Variants in BRSK2 observed in about 807,000 individuals in gnomAD.
The protein encoded by BRSK2 is serine/threonine-protein kinase BRSK2.
Under a neutral mutation model 83.3 loss-of-function variants are expected in BRSK2, and 19 were observed. The observed-to-expected ratio is 0.23, with a 90% CI of 0.16 to 0.33. The LOEUF (loss-of-function observed/expected upper bound fraction) is 0.33. Ranked by LOEUF, BRSK2 falls within the 10% of genes least tolerant of loss-of-function variation. BRSK2 has a pLI of 1.00. For missense variants in BRSK2, 798 were observed against 1,042.3 expected (o/e 0.77, Z 3.23); for synonymous variants, 519 against 435.4 (o/e 1.19, Z -2.39).
chr11:1,454,430 G>C lies in BRSK2; in HGVS notation c.1545-55G>C. The C allele has an allele frequency of 6.3e-7, 1 of 1,595,386 alleles. No homozygotes were observed. The highest frequency in any genetic ancestry group is 1.3e-5 in the African/African-American group (1 of 74,594). ...CCAACCCCAGATTCGAGGGAGGCAG[G>C]GGTGTGGACGGTGCCACACCTCAAT... On this transcript the variant is annotated intron_variant, in intron 15 of 19. Coordinates refer to ENST00000528841, the MANE Select transcript of BRSK2 (RefSeq NM_001256627.2). This position sits in a 1 kb window ranked among gnomAD's most constrained non-coding sequence, Gnocchi z 5.2.
chr11:1,461,895 G>C lies in BRSK2; in HGVS notation c.*1172G>C, dbSNP rs111493196. ...GCTCTGTCATGGGTTCCGTCTCTCT[G>C]TGGAGAAGCAGCTCCACCTCTGGGG... On this transcript the variant is annotated 3_prime_UTR_variant, in exon 20 of 20. Coordinates refer to ENST00000528841, the MANE Select transcript of BRSK2 (RefSeq NM_001256627.2). 4.1e-5 allele frequency: 5 copies of C among 121,378 alleles called. No homozygotes were observed. Among genetic ancestry groups the C allele is most frequent in the East Asian group, 2.2e-4 (1 of 4,554 alleles). 7.5% of individuals were successfully genotyped at this position (121,378 alleles called of 1,614,324 possible). A position where few individuals can be genotyped will look rare whatever the true frequency, so the allele number is the denominator to read the frequency against.
chr11:1,392,766 C>T (rs1432919896), intron 1 of BRSK2, among the ~76,000 whole-genome samples: 3 of 152,210 alleles, frequency 2.0e-5, no homozygotes, highest in Non-Finnish European at 4.4e-5. Context: ...TCAGCGTGAG[C>T]GCTGCATGGT....
Position 1,443,649 on chromosome 11 carries a change from G to A in BRSK2, c.780+14G>A. ...CGCCGCCTCACGGTGCGTGCCCTCG[G>A]AGCGGGGCGGCCCCAGAGCGTGGCG... On this transcript the variant is annotated intron_variant, in intron 8 of 19. Coordinates refer to ENST00000528841, the MANE Select transcript of BRSK2 (RefSeq NM_001256627.2). The A allele has an allele frequency of 1.3e-6, 2 of 1,574,528 alleles. No homozygotes were observed. Among genetic ancestry groups the A allele is most frequent in the South Asian group, 1.1e-5 (1 of 89,036 alleles).
chr11:1,460,901 C>T lies in BRSK2; in HGVS notation c.*178C>T, dbSNP rs1487874275. 3.1e-6 allele frequency: 5 copies of T among 1,608,998 alleles called. No individual in the cohort carries two copies. Among genetic ancestry groups the T allele is most frequent in the East Asian group, 2.2e-5 (1 of 44,820 alleles). The stretch of plus-strand genomic sequence containing the variant: ...CTGTGGGCTGCGCCACCCGCGCCCG[C>T]TCTCTTTTCTCTCTGTCTCTGCCTC... On this transcript the variant is annotated 3_prime_UTR_variant, in exon 20 of 20. Coordinates refer to ENST00000528841, the MANE Select transcript of BRSK2 (RefSeq NM_001256627.2).
intron 1 of BRSK2, chr11:1,411,377 G>A (rs1847479295): frequency 2.1e-6 from 3 of 1,453,236 alleles, no homozygotes; most frequent in Non-Finnish European, 2.7e-6. Flanking sequence ...TTTGGGGAGG[G>A]AGCCTGGTAG....
chr11:1,460,797 T>C lies in BRSK2; in HGVS notation c.*74T>C. 1 of 1,387,650 alleles carries C rather than the reference T, an allele frequency of 7.2e-7. No individual in the cohort carries two copies. The highest frequency in any genetic ancestry group is 9.3e-7 in the Non-Finnish European group (1 of 1,070,832). 86.0% of individuals were successfully genotyped at this position (1,387,650 alleles called of 1,614,324 possible). ...CGCCCGCCGCCCGCCCTGCCCCGAGTGGACCCGCGGCCGCGCCGCCCGTCC... is the reference window on the plus strand; with the variant it reads ...CGCCCGCCGCCCGCCCTGCCCCGAGCGGACCCGCGGCCGCGCCGCCCGTCC... On this transcript the variant is annotated 3_prime_UTR_variant, in exon 20 of 20. Transcript: ENST00000528841.
chr11:1,390,416 C>G lies in BRSK2; in HGVS notation c.91+41C>G. The G allele has an allele frequency of 1.0e-6, 1 of 988,128 alleles. No homozygotes were observed. Among genetic ancestry groups the G allele is most frequent in the South Asian group, 4.6e-5 (1 of 21,906 alleles). The allele number at this position is 988,128 out of a possible 1,614,324, so 61.2% of individuals were successfully genotyped here. On this transcript the variant is annotated intron_variant, in intron 1 of 19. Transcript: ENST00000528841. This position sits in a 1 kb window ranked among gnomAD's most constrained non-coding sequence, Gnocchi z 6.8. ...GCGGGGACCGGGGCCGGGGAGGCCG[C>G]GCTGGCAGCGCGCTGGGTGGGGGGC...
Position 1,445,028 on chromosome 11 carries a change from C to T in BRSK2, c.812+26C>T, listed in dbSNP as rs368856254. 3.9e-5 allele frequency: 62 copies of T among 1,608,988 alleles called. No homozygotes were observed. The African/African-American group carries it at 5.1e-4, about 13-fold the overall frequency. On this transcript the variant is annotated intron_variant, in intron 9 of 19. Coordinates refer to ENST00000528841, the MANE Select transcript of BRSK2 (RefSeq NM_001256627.2). ...GTAAGTAGCTTTTCCACCCACTAAT[C>T]GCCTGCTTTGCCTGTTGCTGTGGCC... is the stretch of plus-strand genomic sequence containing the variant.
chr11:1,448,032 C>T (rs753329235), intron 12 of BRSK2, among the ~76,000 whole-genome samples: 1 of 152,132 alleles, frequency 6.6e-6, no homozygotes, highest in Non-Finnish European at 1.5e-5. Flanking sequence ...AGGCAGAGGC[C>T]GAGGAGGGGT....
intron 1 of BRSK2, among the ~76,000 whole-genome samples, chr11:1,396,527 T>G (rs925139181): frequency 9.2e-5 from 14 of 152,138 alleles, no homozygotes; most frequent in African/African-American, 3.4e-4. Flanking sequence ...CGAGGGCAGG[T>G]CAGACCCCAG....
At chr11:1,395,335 C>T (rs1458454003) in intron 1 of BRSK2, among the ~76,000 whole-genome samples, 7 of 152,162 alleles carry the variant, frequency 4.6e-5, no homozygotes. Flanking sequence ...TCTCCCTGGC[C>T]CCCTGAAGTC....
chr11:1,394,670 CCCTGGAGATGGGT>C lies in BRSK2; in HGVS notation c.91+4324_91+4336del, dbSNP rs1398684289. ...ATGGAGATGGGTCCTGGAGATGGGC[CCCTGGAGATGGGT>C]CCTGGAGATGGGTCCTGGAGATGGG... On this transcript the variant is annotated intron_variant, in intron 1 of 19. Coordinates refer to ENST00000528841, the MANE Select transcript of BRSK2 (RefSeq NM_001256627.2). Among the ~76,000 whole-genome samples, 98 of 116,132 alleles carry C rather than the reference CCCTGGAGATGGGT, an allele frequency of 8.4e-4. 1 individual carries two copies. The highest frequency in any genetic ancestry group is 1.3e-3 in the Non-Finnish European group (73 of 54,526). 76.2% of individuals were successfully genotyped at this position (116,132 alleles called of 152,430 possible). A position where few individuals can be genotyped will look rare whatever the true frequency, so the allele number is the denominator to read the frequency against.
At chr11:1,398,719 G>A (rs1261241661) in intron 1 of BRSK2, among the ~76,000 whole-genome samples, 3 of 152,146 alleles carry the variant, frequency 2.0e-5, no homozygotes, top group Non-Finnish European at 2.9e-5. Flanking sequence ...CTTTCCCCAG[G>A]GCAGCCCTTT....
intron 1 of BRSK2, among the ~76,000 whole-genome samples, chr11:1,419,308 C>G (rs1848418830): frequency 6.6e-6 from 1 of 152,166 alleles, no homozygotes; most frequent in Non-Finnish European, 1.5e-5. Flanking sequence ...CTTCGCTGAG[C>G]TGTGTTTGTG....
At chr11:1,406,396 C>T (rs1046488893) in intron 1 of BRSK2, among the ~76,000 whole-genome samples, 1 of 152,228 alleles carries the variant, frequency 6.6e-6, no homozygotes, top group East Asian at 1.9e-4. Flanking sequence ...GGCATGAACC[C>T]GGGAGGCGGA....
chr11:1,451,162 C>T (rs1356809667), intron 14 of BRSK2, among the ~76,000 whole-genome samples: 4 of 152,182 alleles, frequency 2.6e-5, no homozygotes, highest in African/African-American at 7.2e-5. Context: ...GCACCAGAGG[C>T]GGGGACAGCT....
chr11:1,440,105 C>G (rs180804526), intron 3 of BRSK2, among the ~76,000 whole-genome samples: 67 of 152,326 alleles, frequency 4.4e-4, no homozygotes, highest in Middle Eastern at 6.8e-3. Context: ...AGGCCTCCCC[C>G]CCGAGCTGGT....
intron 19 of BRSK2, 63 bp downstream of exon 19, chr11:1,459,302 G>T (rs372757014): frequency 1.9e-6 from 3 of 1,587,418 alleles, no homozygotes; most frequent in Non-Finnish European, 2.6e-6. Flanking sequence ...CCCTCAGCCC[G>T]CTGTGGCCGC....
At chr11:1,396,183 T>C (rs1343910331) in intron 1 of BRSK2, among the ~76,000 whole-genome samples, 1 of 142,364 alleles carries the variant, frequency 7.0e-6, no homozygotes, top group East Asian at 2.0e-4. Flanking sequence ...CCGCTCCTCG[T>C]CTCTCTTCCC....
Sources: gnomAD v4.1 joint callset for allele counts (sites outside exome capture counted in the v4.1 genomes callset) on GRCh38, gnomAD v4.1.1 for gene constraint, Gnocchi (gnomAD v3.1) non-coding constraint, MANE v1.5 for transcripts, NCBI Gene and HGNC (gene_info 2026-07-23, HGNC 2026-07-21) for gene names.